The following C2CD2 variants were observed in gnomAD, a reference collection of about 807,000 sequenced individuals.
The protein encoded by C2CD2 is C2 calcium dependent domain containing 2, also known as C2 domain-containing protein 2.
Under a neutral mutation model 74.3 loss-of-function variants are expected in C2CD2, and 43 were observed. That is an observed-to-expected ratio of 0.58 (90% confidence interval 0.45 to 0.75). The LOEUF is 0.75. Among genes scored for constraint, C2CD2 ranks in the 30% least tolerant of loss-of-function variants. C2CD2 has a pLI of 0.00. For synonymous variants in C2CD2, 422 were observed against 390.7 expected (o/e 1.08, Z -0.94); for missense variants, 801 against 916.3 (o/e 0.87, Z 1.63).
intron 12 of C2CD2, 112 bp downstream of exon 12, chr21:41,901,510 G>C: frequency 9.3e-7 from 1 of 1,077,906 alleles, no homozygotes; most frequent in South Asian, 1.3e-5. Context: ...TTTGTAAATG[G>C]AACTCTCTGG....
chr21:41,913,899 C>T (rs928000546), intron 6 of C2CD2, among the ~76,000 whole-genome samples: 29 of 152,226 alleles, frequency 1.9e-4, no homozygotes, highest in Middle Eastern at 6.8e-3. Flanking sequence ...ATCGGAGTCC[C>T]GAGTGTGGCC....
At chr21:41,905,054 A>G (rs2064943962) in intron 11 of C2CD2, among the ~76,000 whole-genome samples, 1 of 152,220 alleles carries the variant, frequency 6.6e-6, no homozygotes, top group Non-Finnish European at 1.5e-5. Context: ...AAAGTGGTGA[A>G]TAAAATTAAA....
intron 12 of C2CD2, chr21:41,901,312 T>C (rs923893792): frequency 1.4e-5 from 6 of 427,192 alleles, no homozygotes; most frequent in Non-Finnish European, 2.6e-5. Context: ...GCAGAGGTTC[T>C]GTACCAAAGG....
In C2CD2 at chr21:41,901,661, T is replaced by C. The variant is rs746685928; in HGVS notation, c.1521A>G (p.Pro507=). 1.2e-5 allele frequency: 20 copies of C among 1,614,082 alleles called. No homozygotes were observed. In the South Asian group the frequency reaches 2.0e-4, roughly 16 times the overall value. ...ATATGATAATAGTGCTTTTCTTCCGTGGCGACTTGAGTTTCAGCTTTGAAG... is the reference window on the plus strand; with the variant it reads ...ATATGATAATAGTGCTTTTCTTCCGCGGCGACTTGAGTTTCAGCTTTGAAG... ...SESSKLKLKS[P]RKKSTIIISG... Residue 507 remains proline, a synonymous_variant, in exon 12 of 14, where the codon CCA becomes CCG. Coordinates refer to ENST00000380486, the MANE Select transcript of C2CD2 (RefSeq NM_015500.2).
rs188755171 is a variant in C2CD2, at chr21:41,939,526, G to T, written c.378+2621C>A. Among the ~76,000 whole-genome samples, 546 of 152,230 alleles carry T rather than the reference G, an allele frequency of 3.6e-3. 2 individuals carry two copies. Among genetic ancestry groups the T allele is most frequent in the Non-Finnish European group, 6.4e-3 (438 of 68,014 alleles). On this transcript the variant is annotated intron_variant, in intron 2 of 13. Transcript: ENST00000380486. This position sits in a 1 kb window ranked among gnomAD's most constrained non-coding sequence, Gnocchi z 5.5. ...CCTGGGAAGGCACTTCCAAAGCAGC[G>T]GGCTCCAGGAGGGCAGGCCCACGGC...
At chr21:41,952,193 C>T (rs1381993036) in intron 1 of C2CD2, among the ~76,000 whole-genome samples, 1 of 152,198 alleles carries the variant, frequency 6.6e-6, no homozygotes, top group Non-Finnish European at 1.5e-5. Flanking sequence ...GACCCTGAAG[C>T]CTTTTTCCTC....
rs2065182375 is a variant in C2CD2 at position 41,923,950 on chromosome 21, C to T, written c.379-1865G>A. 6.6e-6 allele frequency among the ~76,000 whole-genome samples: 1 copy of T among 152,202 alleles called. No individual in the cohort carries two copies. The highest frequency in any genetic ancestry group is 1.9e-4 in the East Asian group (1 of 5,170). On this transcript the variant is annotated intron_variant, in intron 2 of 13. Coordinates refer to ENST00000380486, the MANE Select transcript of C2CD2 (RefSeq NM_015500.2). This position sits in a 1 kb window ranked among gnomAD's most constrained non-coding sequence, Gnocchi z 5.8. ...ACAGTGGGCTGGACCACAGGGCAGGCACAAGGGGGTTCCGTAGGTGGCCAG... is the reference window on the plus strand; with the variant it reads ...ACAGTGGGCTGGACCACAGGGCAGGTACAAGGGGGTTCCGTAGGTGGCCAG...
intron 13 of C2CD2, among the ~76,000 whole-genome samples, chr21:41,898,516 T>C (rs2064850631): frequency 6.6e-6 from 1 of 152,228 alleles, no homozygotes; most frequent in African/African-American, 2.4e-5. Flanking sequence ...TCAGTACTAA[T>C]GAAATGATCA....
intron 6 of C2CD2, 68 bp downstream of exon 6, chr21:41,914,530 G>A (rs569253839): frequency 1.7e-4 from 250 of 1,451,914 alleles, no homozygotes; most frequent in Middle Eastern, 2.4e-4. Flanking sequence ...AAGGCCCCCC[G>A]GAGCCCCCGA....
rs571850099 is a variant in C2CD2 at position 41,887,288 on chromosome 21, T to G, written c.*1836A>C. The G allele has an allele frequency of 1.3e-5, 2 of 152,318 alleles. No homozygotes were observed. Among genetic ancestry groups the G allele is most frequent in the African/African-American group, 4.8e-5 (2 of 41,576 alleles). The allele number at this position is 152,318 out of a possible 1,614,324, so 9.4% of individuals were successfully genotyped here. A position where few individuals can be genotyped will look rare whatever the true frequency, so the allele number is the denominator to read the frequency against. ...CATGTTTTGAAACTCCAGGTGCTTT[T>G]TTTACAATGATTAAAACTGGAATAT... is the stretch of plus-strand genomic sequence containing the variant. On this transcript the variant is annotated 3_prime_UTR_variant, in exon 14 of 14. Transcript: ENST00000380486.
At chr21:41,942,031 T>C (rs949941151) in intron 2 of C2CD2, 116 bp downstream of exon 2, 11 of 1,367,118 alleles carry the variant, frequency 8.0e-6, no homozygotes, top group African/African-American at 2.9e-5. Flanking sequence ...GATGGTTGTT[T>C]TGATTTTTTT....
intron 13 of C2CD2, among the ~76,000 whole-genome samples, chr21:41,898,494 T>C (rs754728982): frequency 6.6e-6 from 1 of 152,222 alleles, no homozygotes; most frequent in Non-Finnish European, 1.5e-5. Context: ...GACTTAGGGC[T>C]AATGGAAGCA....
Position 41,903,662 on chromosome 21 carries a change from A to C in C2CD2, c.1433-1913T>G, listed in dbSNP as rs2064925909. ...TGTGCTGTAATTCCCAAAGCCACCAAGGGAGACGTGTCGGGAGCACGTCCT... is the reference window on the plus strand; with the variant it reads ...TGTGCTGTAATTCCCAAAGCCACCACGGGAGACGTGTCGGGAGCACGTCCT... On this transcript the variant is annotated intron_variant, in intron 11 of 13. Transcript: ENST00000380486. This position sits in a 1 kb window ranked among gnomAD's most constrained non-coding sequence, Gnocchi z 4.5. 6.6e-6 allele frequency among the ~76,000 whole-genome samples: 1 copy of C among 152,168 alleles called. No individual in the cohort carries two copies. The highest frequency in any genetic ancestry group is 2.4e-5 in the African/African-American group (1 of 41,440).
At chr21:41,919,680 C>A (rs1447773148) in intron 3 of C2CD2, among the ~76,000 whole-genome samples, 1 of 152,206 alleles carries the variant, frequency 6.6e-6, no homozygotes, top group African/African-American at 2.4e-5. Context: ...ACAAAGCCAT[C>A]TTTACTGTCT....
chr21:41,936,161 C>T (rs752248488), intron 2 of C2CD2, among the ~76,000 whole-genome samples: 2 of 152,112 alleles, frequency 1.3e-5, no homozygotes, highest in Non-Finnish European at 2.9e-5. Flanking sequence ...AGTGAAGAGA[C>T]AACCTACGGA....
At chr21:41,941,530 T>C (rs1045363613) in intron 2 of C2CD2, among the ~76,000 whole-genome samples, 16 of 152,192 alleles carry the variant, frequency 1.1e-4, no homozygotes, top group African/African-American at 3.6e-4. Context: ...CACATAAATA[T>C]ATGTACATAA....
At chr21:41,917,174 T>C (rs2065329) in intron 5 of C2CD2, among the ~76,000 whole-genome samples, 10,534 of 152,202 alleles carry the variant, frequency 0.069, 556 homozygotes, top group African/African-American at 0.15. Context: ...GTGACCCCCA[T>C]AGCCAGGGCT....
intron 8 of C2CD2, among the ~76,000 whole-genome samples, chr21:41,909,240 A>G (rs2064999298): frequency 6.6e-6 from 1 of 152,226 alleles, no homozygotes; most frequent in Non-Finnish European, 1.5e-5. Context: ...TTTTAAAAAA[A>G]CAAACAAAAA....
chr21:41,953,452 C>A lies in C2CD2; in HGVS notation c.197G>T (p.Trp66Leu). The A allele has an allele frequency of 6.7e-7, 1 of 1,490,514 alleles. No individual in the cohort carries two copies. Among genetic ancestry groups the A allele is most frequent in the Non-Finnish European group, 9.0e-7 (1 of 1,116,914 alleles). The allele number at this position is 1,490,514 out of a possible 1,614,324, so 92.3% of individuals were successfully genotyped here. ...PRPGSDALLS[W>L]ILTLGSWRSQ... ...CCTCCAGCTGCCCAGCGTCAGGATC[C>A]AGGAGAGCAGCGCGTCGGACCCCGG... Residue 66 changes from tryptophan to leucine, a missense_variant, in exon 1 of 14, where the codon TGG (tryptophan) becomes TTG (leucine). Coordinates refer to ENST00000380486, the MANE Select transcript of C2CD2 (RefSeq NM_015500.2).
Sources: allele counts gnomAD v4.1 joint callset (sites outside exome capture counted in the v4.1 genomes callset), GRCh38; gene constraint gnomAD v4.1.1; non-coding constraint Gnocchi (gnomAD v3.1); transcripts MANE v1.5; gene names NCBI Gene and HGNC (gene_info 2026-07-23, HGNC 2026-07-21).